Variants in XKR6 observed in about 807,000 individuals in gnomAD.
XKR6 encodes the protein XK-related protein 6.
XKR6 carries 22 observed loss-of-function variants against 56.7 expected under a neutral mutation model. The observed-to-expected ratio is 0.39, with a 90% CI of 0.28 to 0.55. The LOEUF is 0.55. XKR6 is among the 20% of genes least tolerant of loss of function. The pLI is 0.66. For synonymous variants in XKR6, 524 were observed against 387.8 expected, an observed-to-expected ratio of 1.35 and a Z score of -4.13; for missense variants, 852 against 889.0, an observed-to-expected ratio of 0.96 and a Z score of 0.53.
chr8:11,058,402 T>A (rs137991043), intron 1 of XKR6, among the ~76,000 whole-genome samples: 80 of 152,298 alleles, frequency 5.3e-4, no homozygotes, highest in Non-Finnish European at 1.1e-3. Flanking sequence ...CTATTTACAA[T>A]AGCAAAGGCT....
chr8:10,956,804 G>A (rs911778143), intron 1 of XKR6, among the ~76,000 whole-genome samples: 3 of 152,232 alleles, frequency 2.0e-5, no homozygotes, highest in Admixed American at 2.0e-4. Flanking sequence ...CTAGAAACTG[G>A]GATTAATCTG....
chr8:11,160,433 G>A (rs1421239628), intron 1 of XKR6, among the ~76,000 whole-genome samples: 4 of 152,060 alleles, frequency 2.6e-5, no homozygotes, highest in African/African-American at 2.4e-5. Flanking sequence ...GAAATAAAAG[G>A]AAGAGACAGT....
chr8:11,014,248 T>C (rs77070828), intron 1 of XKR6, among the ~76,000 whole-genome samples: 5,317 of 152,242 alleles, frequency 0.035, 307 homozygotes, highest in African/African-American at 0.12. Flanking sequence ...TTATTAAGTG[T>C]GAGGAAGAAA....
At chr8:11,193,970 G>A (rs148876045) in intron 1 of XKR6, among the ~76,000 whole-genome samples, 2 of 152,078 alleles carry the variant, frequency 1.3e-5, no homozygotes, top group African/African-American at 4.8e-5. Flanking sequence ...GGTTTAGTCT[G>A]CCATAAATTT....
chr8:10,993,584 T>G (rs577682342), intron 1 of XKR6, among the ~76,000 whole-genome samples: 2 of 152,334 alleles, frequency 1.3e-5, no homozygotes, highest in South Asian at 2.1e-4. Flanking sequence ...CTGCGGCTAC[T>G]GAGGCCGGGT....
At chr8:11,113,409 G>C (rs569625912) in intron 1 of XKR6, among the ~76,000 whole-genome samples, 3 of 152,088 alleles carry the variant, frequency 2.0e-5, no homozygotes, top group Admixed American at 6.6e-5. Flanking sequence ...TTACTAAAAT[G>C]TAAAAAGAAG....
intron 1 of XKR6, among the ~76,000 whole-genome samples, chr8:11,046,012 G>A (rs1021606487): frequency 6.6e-6 from 1 of 152,170 alleles, no homozygotes; most frequent in African/African-American, 2.4e-5. Flanking sequence ...TGCAGCTGCT[G>A]TAGAAAACAG....
chr8:11,078,759 G>C (rs964041213), intron 1 of XKR6, among the ~76,000 whole-genome samples: 1 of 152,200 alleles, frequency 6.6e-6, no homozygotes, highest in Non-Finnish European at 1.5e-5. Context: ...GGTAGGCCCA[G>C]AATGACGAGA....
In XKR6 at chr8:11,200,645, C is replaced by G; in HGVS notation, c.695G>C (p.Arg232Pro). The G allele has an allele frequency of 6.4e-7, 1 of 1,552,542 alleles. No individual in the cohort carries two copies. Among genetic ancestry groups the G allele is most frequent in the Non-Finnish European group, 8.6e-7 (1 of 1,160,020 alleles). The change falls in exon 1 of 3, where the codon CGC becomes CCC. Residue 232 changes from arginine to proline, a missense_variant. Physicochemically the swap from Arg to Pro is moderately radical, Grantham distance 103 (BLOSUM62 -2). Transcript: ENST00000416569. This position sits in a 1 kb window ranked among gnomAD's most constrained non-coding sequence, Gnocchi z 6.4. Reference sequence around the variant, plus strand: ...GATCCACACGGAGAGGCGACACAGGCGCTGCGCCCCCGGCGTGGGGGAGAC... The same window carrying G: ...GATCCACACGGAGAGGCGACACAGGGGCTGCGCCCCCGGCGTGGGGGAGAC... ...VRVSPTPGAQ[R>P]LCRLSVWIWQ...
At chr8:11,088,748 T>C (rs940578356) in intron 1 of XKR6, among the ~76,000 whole-genome samples, 5 of 152,266 alleles carry the variant, frequency 3.3e-5, no homozygotes, top group African/African-American at 1.2e-4. Flanking sequence ...TCAGCCAATA[T>C]TTAATGAGCT....
intron 1 of XKR6, among the ~76,000 whole-genome samples, chr8:11,172,138 A>G (rs1159078865): frequency 3.9e-5 from 6 of 152,102 alleles, no homozygotes; most frequent in Non-Finnish European, 8.8e-5. Context: ...TGGGAGCCTG[A>G]GGCCAGCAGA....
intron 2 of XKR6, 114 bp from the exon 3 acceptor site, chr8:10,899,030 A>C: frequency 6.9e-7 from 1 of 1,449,556 alleles, no homozygotes; most frequent in Non-Finnish European, 9.2e-7. Flanking sequence ...AGGAGGAGGG[A>C]GAAAGAAACA....
chr8:11,186,394 G>C (rs1384920842), intron 1 of XKR6, among the ~76,000 whole-genome samples: 1 of 152,170 alleles, frequency 6.6e-6, no homozygotes, highest in Non-Finnish European at 1.5e-5. Flanking sequence ...AGGGCTTTGA[G>C]AGACAGAGAG....
intron 1 of XKR6, among the ~76,000 whole-genome samples, chr8:11,117,760 G>A (rs866499532): frequency 6.6e-6 from 1 of 151,956 alleles, no homozygotes; most frequent in African/African-American, 2.4e-5. Flanking sequence ...AACATAAACT[G>A]AGAAAAAATT....
intron 1 of XKR6, among the ~76,000 whole-genome samples, chr8:11,086,573 T>A (rs1563126830): frequency 6.6e-6 from 1 of 152,154 alleles, no homozygotes; most frequent in Non-Finnish European, 1.5e-5. Flanking sequence ...AAGTGTAAAA[T>A]GTCAGATAGA....
At chr8:11,072,447 T>C (rs1002399358) in intron 1 of XKR6, among the ~76,000 whole-genome samples, 1 of 150,584 alleles carries the variant, frequency 6.6e-6, no homozygotes. Context: ...GTAAGGTCTG[T>C]TGGAGAGGCA....
intron 1 of XKR6, among the ~76,000 whole-genome samples, chr8:11,192,216 T>G (rs894894115): frequency 6.6e-6 from 1 of 151,936 alleles, no homozygotes; most frequent in Non-Finnish European, 1.5e-5. Context: ...TGCAGTGCAG[T>G]GGCACGATCT....
chr8:10,942,358 C>T (rs1320454106), intron 1 of XKR6, among the ~76,000 whole-genome samples: 4 of 152,232 alleles, frequency 2.6e-5, no homozygotes, highest in Non-Finnish European at 5.9e-5. Flanking sequence ...TCCATCTATA[C>T]AGATACGTGT....
intron 1 of XKR6, among the ~76,000 whole-genome samples, chr8:11,177,500 C>T (rs1333953621): frequency 6.6e-6 from 1 of 152,214 alleles, no homozygotes; most frequent in Non-Finnish European, 1.5e-5. Context: ...CCCCCTCCCC[C>T]AAAAATTCAG....
Sources: allele counts gnomAD v4.1 joint callset (sites outside exome capture counted in the v4.1 genomes callset), GRCh38; gene constraint gnomAD v4.1.1; non-coding constraint Gnocchi (gnomAD v3.1); transcripts MANE v1.5; gene names NCBI Gene and HGNC (gene_info 2026-07-23, HGNC 2026-07-21).